Variants in RERE observed in about 807,000 individuals in gnomAD.
RERE encodes arginine-glutamic acid dipeptide repeats protein.
RERE carries 40 observed loss-of-function variants against 146.1 expected under a neutral mutation model. The observed-to-expected ratio is 0.27, with a 90% CI of 0.21 to 0.36. RERE has a LOEUF of 0.36. Among genes scored for constraint, RERE ranks in the 10% least tolerant of loss-of-function variants. The probability of loss-of-function intolerance (pLI) is 1.00; values close to 1 mark genes in which losing one functional copy is unlikely to be tolerated. For synonymous variants in RERE, 1,003 were observed against 866.0 expected, an observed-to-expected ratio of 1.16 and a Z score of -2.78; for missense variants, 1,933 against 2,138.7, an observed-to-expected ratio of 0.90 and a Z score of 1.90.
intron 10 of RERE, among the ~76,000 whole-genome samples, chr1:8,480,120 CTTT>C (rs35022247): frequency 1.7e-5 from 2 of 119,800 alleles, no homozygotes; most frequent in Admixed American, 2.1e-4. Flanking sequence ...TTATTAAAGC[CTTT>C]TTTTGTTTTT....
At chr1:8,486,706 T>TTGA (rs1412818036) in intron 10 of RERE, among the ~76,000 whole-genome samples, 1 of 146,682 alleles carries the variant, frequency 6.8e-6, no homozygotes, top group Admixed American at 6.9e-5. Context: ...CGTCTTTATA[T>TTGA]TGATCAAGAG....
rs182191054 is a variant in RERE, at chr1:8,792,818, T to C, written c.-145+24342A>G. 4.6e-5 allele frequency among the ~76,000 whole-genome samples: 7 copies of C among 152,128 alleles called. 1 individual carries two copies. The highest frequency in any genetic ancestry group is 3.3e-4 in the Admixed American group (5 of 15,268). On this transcript the variant is annotated intron_variant, in intron 1 of 22. Coordinates refer to ENST00000400908, the MANE Select transcript of RERE (RefSeq NM_001042681.2). ...CTTACATCGGGTATGTTTCTCAATA[T>C]TAGGAAGGTTTAAAGAAGCTGTGAG...
intron 8 of RERE, among the ~76,000 whole-genome samples, chr1:8,498,403 T>C (rs1645074665): frequency 7.3e-6 from 1 of 137,256 alleles, no homozygotes. Flanking sequence ...TAAAAATTTA[T>C]ATATAGTTGA....
intron 1 of RERE, among the ~76,000 whole-genome samples, chr1:8,724,573 G>A (rs551571605): frequency 1.7e-4 from 26 of 152,088 alleles, no homozygotes; most frequent in Admixed American, 2.6e-4. Flanking sequence ...CTGGCCGGGC[G>A]CGGTGGCTCA....
intron 10 of RERE, among the ~76,000 whole-genome samples, chr1:8,486,779 A>G (rs1644906527): frequency 1.3e-5 from 2 of 150,870 alleles, no homozygotes; most frequent in South Asian, 4.2e-4. Context: ...AAAAGAAAAG[A>G]AAGAAAAGAA....
chr1:8,363,445 GC>G (rs1641672188), intron 15 of RERE, among the ~76,000 whole-genome samples: 1 of 152,176 alleles, frequency 6.6e-6, no homozygotes, highest in Admixed American at 6.5e-5. Flanking sequence ...GCTGCCAGCA[GC>G]CTCAACGGCA....
intron 4 of RERE, among the ~76,000 whole-genome samples, chr1:8,610,894 T>TA (rs1312176735): frequency 0.015 from 2,129 of 139,898 alleles, 15 homozygotes; most frequent in Non-Finnish European, 0.018. Context: ...AATAATGATT[T>TA]AAAAAAAAAA....
Position 8,541,118 on chromosome 1 carries a change from C to T in RERE, c.830+96G>A, listed in dbSNP as rs1464176008. On this transcript the variant is annotated intron_variant, in intron 7 of 22. Transcript: ENST00000400908. ...TTTTAAGTATGTTACTAGTGTATGT[C>T]CAGAAGCATAAACTACACACACACA... The T allele has an allele frequency of 1.6e-5, 10 of 612,510 alleles. No homozygotes were observed. In the Admixed American group the frequency reaches 3.0e-4, roughly 18 times the overall value. The allele number at this position is 612,510 out of a possible 1,614,324, so 37.9% of individuals were successfully genotyped here. A position where few individuals can be genotyped will look rare whatever the true frequency, so the allele number is the denominator to read the frequency against.
At chr1:8,629,713 C>T (rs911166481) in intron 2 of RERE, among the ~76,000 whole-genome samples, 5 of 152,178 alleles carry the variant, frequency 3.3e-5, no homozygotes, top group Non-Finnish European at 5.9e-5. Context: ...GTGCCACACA[C>T]GCCAGTACTA....
In RERE at chr1:8,386,022, A is replaced by ATTT. The variant is rs60050106; in HGVS notation, c.1285-20051_1285-20049dup. Among the ~76,000 whole-genome samples, 67 of 26,620 alleles carry ATTT rather than the reference A, an allele frequency of 2.5e-3. 2 individuals are homozygous for ATTT. Among genetic ancestry groups the ATTT allele is most frequent in the African/African-American group, 3.4e-3 (22 of 6,404 alleles). The allele number at this position is 26,620 out of a possible 152,430, so 17.5% of individuals were successfully genotyped here. On this transcript the variant is annotated intron_variant, in intron 12 of 22. Coordinates refer to ENST00000400908, the MANE Select transcript of RERE (RefSeq NM_001042681.2). ...TATATATATATATATATATATATATATTTTTTTTTTTTTTTTTTTTTTTTT... is the reference window on the plus strand; with the variant it reads ...TATATATATATATATATATATATATATTTTTTTTTTTTTTTTTTTTTTTTTTTT...
chr1:8,422,759 T>C lies in RERE; in HGVS notation c.1252A>G (p.Ile418Val), dbSNP rs776261979. ...LRQYGKNFFR[I>V]RKELLPNKET... The stretch of plus-strand genomic sequence containing the variant: ...TTATTGGGAAGCAGCTCCTTTCTAA[T>C]TCTGAAGAAGTTCTTCCCGTACTGC... Residue 418 changes from isoleucine (I) to valine (V), a missense_variant, in exon 12 of 23, where the codon ATT becomes GTT. Physicochemically the swap from Ile to Val is conservative, Grantham distance 29 (BLOSUM62 3). Transcript: ENST00000400908. 1.2e-6 allele frequency: 2 copies of C among 1,614,048 alleles called. No homozygotes were observed. Among genetic ancestry groups the C allele is most frequent in the South Asian group, 1.1e-5 (1 of 91,082 alleles).
intron 7 of RERE, among the ~76,000 whole-genome samples, chr1:8,520,762 A>G (rs1304285320): frequency 6.7e-6 from 1 of 149,544 alleles, no homozygotes; most frequent in Non-Finnish European, 1.5e-5. Flanking sequence ...TTTAAAAAAA[A>G]AAAAAAAAAA....
rs1407854273 is a variant in RERE at position 8,358,293 on chromosome 1, C to T, written c.4242G>A (p.Leu1414=). Residue 1414 remains leucine, a synonymous_variant, in exon 20 of 23, where the codon CTG becomes CTA. Transcript: ENST00000400908. The part of the protein sequence containing the change: ...ERMASLTSDP[L]ARLQMFNVTP... ...TCACGTTGAACATCTGCAGTCGGGC[C>T]AGGGGATCGCTGGTCAGCGATGCCA... is the stretch of plus-strand genomic sequence containing the variant. The T allele has an allele frequency of 6.2e-7, 1 of 1,613,670 alleles. No homozygotes were observed. Among genetic ancestry groups the T allele is most frequent in the South Asian group, 1.1e-5 (1 of 91,074 alleles).
At chr1:8,365,420 T>C (rs1338298031) in intron 13 of RERE, among the ~76,000 whole-genome samples, 1 of 152,000 alleles carries the variant, frequency 6.6e-6, no homozygotes, top group East Asian at 1.9e-4. Context: ...GAAGAAAGTG[T>C]TAATCTGATC....
chr1:8,409,862 T>C (rs182049553), intron 12 of RERE, among the ~76,000 whole-genome samples: 4 of 152,136 alleles, frequency 2.6e-5, no homozygotes, highest in Middle Eastern at 3.4e-3. Flanking sequence ...TACTATTTCA[T>C]GCATGATGAT....
At chr1:8,418,876 G>T (rs1165630718) in intron 12 of RERE, among the ~76,000 whole-genome samples, 1 of 152,070 alleles carries the variant, frequency 6.6e-6, no homozygotes, top group African/African-American at 2.4e-5. Context: ...AACAATAAGT[G>T]GCAGGGCTCA....
intron 11 of RERE, among the ~76,000 whole-genome samples, chr1:8,435,982 A>G (rs1644165194): frequency 6.6e-6 from 1 of 152,240 alleles, no homozygotes. Flanking sequence ...TGCCAGCCAA[A>G]TGCCTCTTGC....
intron 12 of RERE, among the ~76,000 whole-genome samples, chr1:8,387,045 G>GA (rs1452975041): frequency 5.9e-5 from 9 of 152,132 alleles, no homozygotes; most frequent in African/African-American, 2.2e-4. Flanking sequence ...AGACACTCTT[G>GA]AAAAACAAGA....
At chr1:8,514,437 A>C (rs948899772) in intron 7 of RERE, among the ~76,000 whole-genome samples, 2 of 152,222 alleles carry the variant, frequency 1.3e-5, no homozygotes, top group Non-Finnish European at 2.9e-5. Context: ...TGGGATTAAA[A>C]AATACTAATA....
Sources: gnomAD v4.1 joint callset for allele counts (sites outside exome capture counted in the v4.1 genomes callset) on GRCh38, gnomAD v4.1.1 for gene constraint, MANE v1.5 for transcripts, NCBI Gene and HGNC (gene_info 2026-07-23, HGNC 2026-07-21) for gene names.